PABIR3: variants seen among roughly 807,000 people sequenced by gnomAD.
PABIR3 encodes the protein PABIR family member 1.
In PABIR3, 20 loss-of-function variants were observed where a neutral mutation model predicts 23.1. The ratio of observed to expected loss-of-function variants is 0.86; its 90% CI spans 0.61 to 1.26. The LOEUF (loss-of-function observed/expected upper bound fraction) is 1.26. Ranked by LOEUF, PABIR3 falls within the 50% of genes most tolerant of loss-of-function variation. PABIR3 has a pLI of 0.00. For synonymous variants in PABIR3, 69 were observed against 68.5 expected (o/e 1.01, Z -0.04); for missense variants, 189 against 195.4 (o/e 0.97, Z 0.20).
chrX:134,810,331 T>C, intron 2 of PABIR3: 5 of 754,729 alleles, frequency 6.6e-6, no homozygotes, highest in Non-Finnish European at 7.8e-6. Context: ...AGAGCATAGC[T>C]ACAGTGTTAC....
intron 2 of PABIR3, chrX:134,809,167 C>CTTTT: frequency 7.7e-6 from 1 of 129,829 alleles, no homozygotes; most frequent in Non-Finnish European, 1.5e-5. Flanking sequence ...ATCTTGTTTC[C>CTTTT]TTTTTTTTTT....
rs1207694875 is a variant in PABIR3 at position 134,808,534 on chromosome X, A to T, written c.110+826A>T. ...TAGCTGGGACTACAGGCGCCCACCA[A>T]CACTCCCGGCTAATTTTTTGTATTT... On this transcript the variant is annotated intron_variant, in intron 2 of 10. Coordinates refer to ENST00000645433, the MANE Select transcript of PABIR3 (RefSeq NM_001388447.1). 2.7e-5 allele frequency among the ~76,000 whole-genome samples: 3 copies of T among 110,746 alleles called. No individual in the cohort carries two copies. The Admixed American group carries it at 2.9e-4, about 11-fold the overall frequency.
At chrX:134,807,860 G>A in intron 2 of PABIR3, 152 bp downstream of exon 2, 1 of 599,101 alleles carries the variant, frequency 1.7e-6, no homozygotes, top group Admixed American at 4.3e-5. Context: ...CTCAACCTTG[G>A]GTGGGGGTAG....
chrX:134,808,732 G>A (rs2080416587), intron 2 of PABIR3, among the ~76,000 whole-genome samples: 1 of 111,384 alleles, frequency 9.0e-6, no homozygotes, highest in Non-Finnish European at 1.9e-5. Context: ...GGCCAGGCTG[G>A]TCTCGAACTC....
At chrX:134,861,437 G>C in the PABIR3 span, among the ~76,000 whole-genome samples, 1 of 109,569 alleles carries the variant, frequency 9.1e-6, no homozygotes, top group Admixed American at 9.8e-5. Flanking sequence ...CATTTCTCAG[G>C]GTGCTTTTTA....
intron 2 of PABIR3, chrX:134,809,800 C>G: frequency 1.3e-6 from 1 of 753,734 alleles, no homozygotes; most frequent in Non-Finnish European, 1.6e-6. Flanking sequence ...CTGGCCACTA[C>G]TAACCAATAC....
chrX:134,803,905 GT>G (rs766676054), upstream of PABIR3, among the ~76,000 whole-genome samples: 7,758 of 98,448 alleles, frequency 0.079, 724 homozygotes, highest in African/African-American at 0.25. Context: ...TTGCCTGCTA[GT>G]TTTTTTTTTT....
intron 3 of PABIR3, among the ~76,000 whole-genome samples, chrX:134,828,037 CTCTCTCTCTCTA>C (rs2081586425): frequency 1.4e-5 from 1 of 72,907 alleles, no homozygotes; most frequent in Non-Finnish European, 2.6e-5. Context: ...CTCTCTCTCT[CTCTCTCTCTCTA>C]TATATATATA....
In PABIR3 at chrX:134,833,478, A is replaced by T. The variant is rs1466651802; in HGVS notation, c.246+4196A>T. ...AAAAATGCATTTTTTAACTGATCCA[A>T]ACACAATCCAAATATGACATTTAGT... On this transcript the variant is annotated intron_variant, in intron 4 of 10. Coordinates refer to ENST00000645433, the MANE Select transcript of PABIR3 (RefSeq NM_001388447.1). 8.0e-5 allele frequency among the ~76,000 whole-genome samples: 9 copies of T among 112,080 alleles called. No individual in the cohort carries two copies. In the Admixed American group the frequency reaches 8.6e-4, roughly 11 times the overall value.
chrX:134,815,845 A>AT (rs1280298844), intron 3 of PABIR3, among the ~76,000 whole-genome samples: 2 of 108,789 alleles, frequency 1.8e-5, no homozygotes, highest in East Asian at 2.9e-4. Flanking sequence ...TGCCCAGCTA[A>AT]TTTTTTTGTA....
intron 4 of PABIR3, among the ~76,000 whole-genome samples, chrX:134,830,080 C>T (rs968704324): frequency 1.8e-5 from 2 of 111,061 alleles, no homozygotes; most frequent in African/African-American, 6.5e-5. Context: ...AGAAATTTAG[C>T]AATTTACCCA....
intron 3 of PABIR3, among the ~76,000 whole-genome samples, chrX:134,824,654 G>C (rs1340871524): frequency 9.1e-6 from 1 of 110,497 alleles, no homozygotes. Context: ...ATAAAAATTA[G>C]CCGGGCGTGG....
At position 134,839,921 on chromosome X, in the gene PABIR3, G is replaced by C. The variant is rs778139412; in HGVS notation, c.247-5284G>C. Among the ~76,000 whole-genome samples the C allele has an allele frequency of 1.2e-3, 133 of 112,692 alleles. 2 individuals carry two copies. The highest frequency in any genetic ancestry group is 0.011 in the Admixed American group (117 of 10,728). ...AATGGCGGTTTTGTGGAATAGAAAG[G>C]GGGGAAAGGTGGGGAAAAGATTGAG... On this transcript the variant is annotated intron_variant, in intron 4 of 10. Transcript: ENST00000645433.
At chrX:134,862,004 A>C in the PABIR3 span, among the ~76,000 whole-genome samples, 1 of 111,138 alleles carries the variant, frequency 9.0e-6, no homozygotes, top group Non-Finnish European at 1.9e-5. Flanking sequence ...CATTCATTCC[A>C]TGGAAATCTT....
At chrX:134,857,259 G>A (rs1435962018), downstream of PABIR3, among the ~76,000 whole-genome samples, 3 of 111,120 alleles carry the variant, frequency 2.7e-5, no homozygotes, top group African/African-American at 9.8e-5. Flanking sequence ...TCCATTCCTT[G>A]CCTCTCTCCT....
chrX:134,814,433 C>T (rs1433855830), intron 2 of PABIR3, among the ~76,000 whole-genome samples: 1 of 111,855 alleles, frequency 8.9e-6, no homozygotes, highest in Non-Finnish European at 1.9e-5. Context: ...CATGGTGGAT[C>T]ACGCCTGTAA....
intron 4 of PABIR3, among the ~76,000 whole-genome samples, chrX:134,833,705 C>A (rs766534209): frequency 7.3e-5 from 8 of 109,130 alleles, no homozygotes; most frequent in Non-Finnish European, 1.3e-4. Context: ...GTGTGTTGTT[C>A]CCCTCCCTGT....
At chrX:134,825,491 G>A (rs950844401) in intron 3 of PABIR3, among the ~76,000 whole-genome samples, 1 of 112,008 alleles carries the variant, frequency 8.9e-6, no homozygotes, top group Admixed American at 9.6e-5. Context: ...TATATCCAAT[G>A]TATCCCTTTA....
upstream of PABIR3, among the ~76,000 whole-genome samples, chrX:134,802,580 C>T (rs993622700): frequency 6.2e-5 from 7 of 112,351 alleles, no homozygotes; most frequent in Non-Finnish European, 9.4e-5. Flanking sequence ...AATTTGGGAA[C>T]GTCCAGAGCA....
Sources: allele counts gnomAD v4.1 joint callset (sites outside exome capture counted in the v4.1 genomes callset), GRCh38; gene constraint gnomAD v4.1.1; transcripts MANE v1.5; gene names NCBI Gene and HGNC (gene_info 2026-07-23, HGNC 2026-07-21).